The following COPS3 variants were observed in gnomAD, a reference collection of about 807,000 sequenced individuals.
COPS3 encodes the protein COP9 signalosome complex subunit 3.
In COPS3, 10 loss-of-function variants were observed where a neutral mutation model predicts 58.2. That is an observed-to-expected ratio of 0.17 (90% confidence interval 0.11 to 0.29). COPS3 has a LOEUF of 0.29. Ranked by LOEUF, COPS3 falls within the 10% of genes least tolerant of loss-of-function variation. The probability of loss-of-function intolerance (pLI) is 1.00; values close to 1 mark genes in which losing one functional copy is unlikely to be tolerated. For synonymous variants in COPS3, 187 were observed against 181.7 expected, an observed-to-expected ratio of 1.03 and a Z score of -0.24; for missense variants, 333 against 510.1, an observed-to-expected ratio of 0.65 and a Z score of 3.34.
chr17:17,280,846 A>C, intron 1 of COPS3: 79 of 1,154,476 alleles, frequency 6.8e-5, no homozygotes, highest in Non-Finnish European at 8.2e-5. Flanking sequence ...ACGCCCCCAA[A>C]CTGTCAAGCA....
intron 9 of COPS3, 132 bp downstream of exon 9, chr17:17,254,727 T>C (rs1597664317): frequency 1.9e-6 from 1 of 535,458 alleles, no homozygotes; most frequent in African/African-American, 2.0e-5. Flanking sequence ...AGAGAATCAC[T>C]TGAATCCGGG....
chr17:17,264,544 T>G (rs2048179481), intron 6 of COPS3, among the ~76,000 whole-genome samples: 1 of 152,186 alleles, frequency 6.6e-6, no homozygotes, highest in South Asian at 2.1e-4. Context: ...ATGTCATAAC[T>G]TATTCCAAAT....
intron 5 of COPS3, among the ~76,000 whole-genome samples, chr17:17,265,302 T>TTTGGGTTTCAAATTTTTGGA (rs1234673579): frequency 6.6e-6 from 1 of 152,170 alleles, no homozygotes; most frequent in Non-Finnish European, 1.5e-5. Context: ...TTTGGAGCAT[T>TTTGGGTTTCAAATTTTTGGA]TTGGGTTTCA....
intron 8 of COPS3, among the ~76,000 whole-genome samples, chr17:17,257,806 A>AAAAAAAAG (rs1555617964): frequency 1.4e-5 from 2 of 147,822 alleles, no homozygotes; most frequent in Non-Finnish European, 3.0e-5. Flanking sequence ...CAAAAAAAAA[A>AAAAAAAAG]AAAAAGAAAA....
chr17:17,276,840 TCTAAATGGTCTGC>T (rs2048471120), intron 1 of COPS3, among the ~76,000 whole-genome samples: 1 of 152,076 alleles, frequency 6.6e-6, no homozygotes, highest in South Asian at 2.1e-4. Context: ...TCATAAATCT[TCTAAATGGTCTGC>T]CTACTGTGAT....
intron 6 of COPS3, among the ~76,000 whole-genome samples, chr17:17,263,776 A>G (rs1597681696): frequency 6.7e-6 from 1 of 149,170 alleles, no homozygotes. Context: ...GGCCTCCCAA[A>G]GTGCTGGGAT....
chr17:17,261,343 G>A (rs1049999354), intron 7 of COPS3, among the ~76,000 whole-genome samples: 5 of 151,398 alleles, frequency 3.3e-5, no homozygotes, highest in South Asian at 4.2e-4. Context: ...TGGCTAACAC[G>A]GTGAAACCAC....
At chr17:17,280,353 A>G (rs1413358665) in intron 1 of COPS3, among the ~76,000 whole-genome samples, 1 of 151,602 alleles carries the variant, frequency 6.6e-6, no homozygotes, top group Non-Finnish European at 1.5e-5. Context: ...AGGTGAGCCG[A>G]GACCGCGCCA....
At chr17:17,266,951 G>C (rs9797120) in intron 5 of COPS3, among the ~76,000 whole-genome samples, 20 of 151,178 alleles carry the variant, frequency 1.3e-4, no homozygotes, top group Non-Finnish European at 2.7e-4. Context: ...CAGGTGATCC[G>C]CCCGCCTCAG....
chr17:17,259,730 C>T (rs866003342), intron 8 of COPS3, among the ~76,000 whole-genome samples: 8 of 151,914 alleles, frequency 5.3e-5, no homozygotes, highest in African/African-American at 1.9e-4. Flanking sequence ...CTTGTCTATA[C>T]AAAAAATACA....
chr17:17,271,818 C>CA (rs890363919), intron 2 of COPS3, among the ~76,000 whole-genome samples: 108 of 123,826 alleles, frequency 8.7e-4, no homozygotes, highest in African/African-American at 2.4e-3. Flanking sequence ...GAGACTGTCT[C>CA]AAAAAAAAAA....
At chr17:17,262,349 C>T (rs1280948431) in intron 6 of COPS3, among the ~76,000 whole-genome samples, 1 of 152,164 alleles carries the variant, frequency 6.6e-6, no homozygotes. Context: ...TACCCTCAAA[C>T]TCCTTGGGTT....
intron 6 of COPS3, among the ~76,000 whole-genome samples, chr17:17,264,025 G>A (rs1374490984): frequency 6.6e-6 from 1 of 152,166 alleles, no homozygotes. Context: ...CTGCCTACTG[G>A]CACCTTATGG....
At chr17:17,254,261 T>C (rs532825408) in intron 9 of COPS3, among the ~76,000 whole-genome samples, 5 of 149,118 alleles carry the variant, frequency 3.4e-5, no homozygotes, top group Admixed American at 6.7e-5. Context: ...TGAGCCGAGA[T>C]TGCACCACTG....
chr17:17,273,816 C>G (rs1429375011), intron 2 of COPS3, among the ~76,000 whole-genome samples: 1 of 152,216 alleles, frequency 6.6e-6, no homozygotes, highest in Non-Finnish European at 1.5e-5. Context: ...CATGCCACTG[C>G]ACTCCTGACT....
At position 17,255,805 on chromosome 17, in the gene COPS3, C is replaced by T. The variant is rs190559122; in HGVS notation, c.937-860G>A. ...CAGCAAGCCGAGATCGCGTGATTCA[C>T]TCCAGCCTGGGCAACAGAGTGAGAC... On this transcript the variant is annotated intron_variant, in intron 8 of 11. Coordinates refer to ENST00000268717, the MANE Select transcript of COPS3 (RefSeq NM_003653.4). Among the ~76,000 whole-genome samples, 782 of 150,022 alleles carry T rather than the reference C, an allele frequency of 5.2e-3. 8 individuals are homozygous for T. Among genetic ancestry groups the T allele is most frequent in the African/African-American group, 0.018 (736 of 40,556 alleles).
intron 4 of COPS3, among the ~76,000 whole-genome samples, chr17:17,268,805 C>A (rs1325352563): frequency 2.1e-5 from 3 of 146,220 alleles, no homozygotes; most frequent in Non-Finnish European, 4.5e-5. Context: ...GGCAACAGAG[C>A]AAGACCCCAT....
At chr17:17,272,835 A>T (rs1369512709) in intron 2 of COPS3, among the ~76,000 whole-genome samples, 1 of 151,990 alleles carries the variant, frequency 6.6e-6, no homozygotes, top group Non-Finnish European at 1.5e-5. Flanking sequence ...CCAGAAGTTC[A>T]AGGCTTCAGT....
At chr17:17,253,462 G>A (rs1272632594) in intron 9 of COPS3, among the ~76,000 whole-genome samples, 1 of 152,142 alleles carries the variant, frequency 6.6e-6, no homozygotes, top group East Asian at 1.9e-4. Flanking sequence ...TGGTTGGGGT[G>A]GGGCTGAGAG....
Sources: gnomAD v4.1 joint callset for allele counts (sites outside exome capture counted in the v4.1 genomes callset) on GRCh38, gnomAD v4.1.1 for gene constraint, MANE v1.5 for transcripts, NCBI Gene and HGNC (gene_info 2026-07-23, HGNC 2026-07-21) for gene names.